NCAPG2: variants seen among roughly 807,000 people sequenced by gnomAD.
NCAPG2 encodes condensin-2 complex subunit G2.
A neutral mutation model predicts 141.1 loss-of-function variants in NCAPG2; 53 were observed. That is an observed-to-expected ratio of 0.38 (90% CI 0.30 to 0.47). The LOEUF is 0.47. NCAPG2 is among the 20% of genes least tolerant of loss of function. The pLI, the probability that NCAPG2 is intolerant of heterozygous loss-of-function variation, is 0.99. For missense variants in NCAPG2, 1,087 were observed against 1,389.0 expected, an observed-to-expected ratio of 0.78 and a Z score of 3.46; for synonymous variants, 499 against 490.7, an observed-to-expected ratio of 1.02 and a Z score of -0.22.
rs1322155664 is a variant in NCAPG2 at position 158,658,387 on chromosome 7, A to C, written c.2011T>G (p.Leu671Val). ...VFKDDRCKIPLFMLMSFMPAS... is the reference protein window; with the variant it reads ...VFKDDRCKIPVFMLMSFMPAS... Reference sequence around the variant, plus strand: ...GGCATAAAGGACATTAGCATGAATAAAGGGATCTTGCAGCGATCATCCTAA... The same window carrying C: ...GGCATAAAGGACATTAGCATGAATACAGGGATCTTGCAGCGATCATCCTAA... The change falls in exon 17 of 28, where the codon TTA (leucine) becomes GTA (valine). Residue 671 changes from leucine (L) to valine (V), a missense_variant. Physicochemically the swap from Leu to Val is conservative, Grantham distance 32. Coordinates refer to ENST00000356309, the MANE Select transcript of NCAPG2 (RefSeq NM_017760.7). 6.2e-7 allele frequency: 1 copy of C among 1,612,494 alleles called. No individual in the cohort carries two copies.
At chr7:158,653,960 G>A (rs879481552) in intron 22 of NCAPG2, among the ~76,000 whole-genome samples, 13 of 152,242 alleles carry the variant, frequency 8.5e-5, no homozygotes, top group Admixed American at 3.9e-4. Flanking sequence ...TAGGAGCTAG[G>A]GGCTAGGGGC....
chr7:158,646,356 G>C (rs907146533), intron 25 of NCAPG2, 104 bp downstream of exon 25: 8 of 739,146 alleles, frequency 1.1e-5, no homozygotes, highest in African/African-American at 1.9e-5. Context: ...TCATAGAAAA[G>C]AATGTAGCTT....
At chr7:158,681,808 A>G (rs939345262) in intron 9 of NCAPG2, among the ~76,000 whole-genome samples, 3 of 152,200 alleles carry the variant, frequency 2.0e-5, no homozygotes, top group Admixed American at 1.3e-4. Context: ...GGCTTTCAGT[A>G]TATTTAGAGC....
In NCAPG2 at chr7:158,667,245, G is replaced by C. The variant is rs959531362; in HGVS notation, c.1480-2495C>G. Reference sequence around the variant, plus strand: ...CTCTGCTCTGGCGCCCAAACTTCCTGGTGGGCCAGAGACCCTGTGTCCCTC... The same window carrying C: ...CTCTGCTCTGGCGCCCAAACTTCCTCGTGGGCCAGAGACCCTGTGTCCCTC... On this transcript the variant is annotated intron_variant, in intron 13 of 27. Transcript: ENST00000356309. 3 of 984,440 alleles carry C rather than the reference G, an allele frequency of 3.0e-6. No individual in the cohort carries two copies. In the African/African-American group the frequency reaches 5.3e-5, roughly 17 times the overall value. 61.0% of individuals were successfully genotyped at this position (984,440 alleles called of 1,614,324 possible).
chr7:158,678,008 C>A (rs758533686), intron 11 of NCAPG2, among the ~76,000 whole-genome samples: 1 of 151,530 alleles, frequency 6.6e-6, no homozygotes, highest in East Asian at 1.9e-4. Flanking sequence ...GATGGGGTTT[C>A]GCCATGTTGC....
chr7:158,681,026 A>G (rs1834423054), intron 9 of NCAPG2, among the ~76,000 whole-genome samples: 1 of 152,178 alleles, frequency 6.6e-6, no homozygotes, highest in East Asian at 1.9e-4. Flanking sequence ...GAAAGAATCT[A>G]CGGCTGAAAT....
intron 13 of NCAPG2, chr7:158,667,251 C>A (rs975381813): frequency 5.1e-6 from 5 of 983,802 alleles, no homozygotes; most frequent in East Asian, 2.3e-4. Flanking sequence ...TCCTGGTGGG[C>A]CAGAGACCCT....
rs763660999 is a variant in NCAPG2 at position 158,658,349 on chromosome 7, G to C, written c.2049C>G (p.Val683=). ...MLMSFMPASA[V]PPFSCGVIST... ...AACAGAGCAAATACCTGAATGGGGG[G>C]ACAGCAGAGGCCGGCATAAAGGACA... is the stretch of plus-strand genomic sequence containing the variant. The change falls in exon 17 of 28, where the codon GTC becomes GTG. Residue 683 remains valine, a synonymous_variant. Transcript: ENST00000356309. 5 of 1,611,312 alleles carry C rather than the reference G, an allele frequency of 3.1e-6. No homozygotes were observed. The highest frequency in any genetic ancestry group is 1.7e-5 in the Admixed American group (1 of 59,628).
chr7:158,631,771 C>A, intron 27 of NCAPG2, 54 bp from the exon 28 acceptor site: 1 of 1,358,238 alleles, frequency 7.4e-7, no homozygotes, highest in Non-Finnish European at 1.0e-6. Flanking sequence ...CCAAATTATC[C>A]AAATGTACAT....
intron 24 of NCAPG2, among the ~76,000 whole-genome samples, chr7:158,647,516 C>A (rs1389094347): frequency 6.6e-6 from 1 of 152,230 alleles, no homozygotes; most frequent in Admixed American, 6.5e-5. Flanking sequence ...ATTCCACATG[C>A]TCCTCAGAAA....
intron 12 of NCAPG2, among the ~76,000 whole-genome samples, chr7:158,673,750 G>A (rs994759998): frequency 2.6e-5 from 4 of 152,220 alleles, no homozygotes; most frequent in Non-Finnish European, 4.4e-5. Flanking sequence ...TAGCCAGGGG[G>A]AGCCCGTCAC....
At chr7:158,664,464 G>C in intron 14 of NCAPG2, 64 bp downstream of exon 14, 1 of 1,558,600 alleles carries the variant, frequency 6.4e-7, no homozygotes, top group South Asian at 1.1e-5. Context: ...ACTGAACTCT[G>C]TAATTTGTAT....
intron 24 of NCAPG2, 123 bp from the exon 25 acceptor site, chr7:158,646,686 T>G: frequency 1.6e-6 from 1 of 623,192 alleles, no homozygotes; most frequent in Non-Finnish European, 2.7e-6. Context: ...AGAATTATTT[T>G]TATTAACTGT....
chr7:158,676,204 A>G (rs549251120), intron 11 of NCAPG2, among the ~76,000 whole-genome samples: 1 of 152,212 alleles, frequency 6.6e-6, no homozygotes, highest in Non-Finnish European at 1.5e-5. Context: ...TCATTTAACT[A>G]CCAATTTATA....
intron 13 of NCAPG2, among the ~76,000 whole-genome samples, chr7:158,667,488 C>T (rs1367241562): frequency 1.4e-5 from 2 of 142,580 alleles, no homozygotes; most frequent in East Asian, 2.2e-4. Flanking sequence ...TGGGTCCCTC[C>T]GCCCGCCTTA....
intron 17 of NCAPG2, among the ~76,000 whole-genome samples, chr7:158,657,640 G>A (rs930953636): frequency 5.3e-5 from 8 of 152,180 alleles, no homozygotes; most frequent in East Asian, 1.9e-4. Flanking sequence ...CCACCACCCC[G>A]TCTGGGAGGT....
At chr7:158,701,715 T>C (rs1835804220) in intron 2 of NCAPG2, 107 bp downstream of exon 2, 1 of 1,008,486 alleles carries the variant, frequency 9.9e-7, no homozygotes, top group Admixed American at 2.4e-5. Context: ...CATTGGTCGC[T>C]AAGGATTCAC....
intron 9 of NCAPG2, 78 bp from the exon 10 acceptor site, chr7:158,680,894 A>G: frequency 9.4e-7 from 1 of 1,068,542 alleles, no homozygotes; most frequent in Non-Finnish European, 1.3e-6. Flanking sequence ...TGGAAAGAGC[A>G]ACAGGGAGAA....
intron 27 of NCAPG2, among the ~76,000 whole-genome samples, chr7:158,638,407 T>C (rs1339311069): frequency 6.6e-6 from 1 of 152,056 alleles, no homozygotes; most frequent in Non-Finnish European, 1.5e-5. Context: ...ACCTGTCTAA[T>C]ATTTGTATTT....
Sources: allele counts gnomAD v4.1 joint callset (sites outside exome capture counted in the v4.1 genomes callset), GRCh38; gene constraint gnomAD v4.1.1; transcripts MANE v1.5; gene names NCBI Gene and HGNC (gene_info 2026-07-23, HGNC 2026-07-21).